The following GET1 variants were observed in gnomAD, a reference collection of about 807,000 sequenced individuals.
The protein encoded by GET1 is guided entry of tail-anchored proteins factor 1, also known as congenital heart disease 5 protein.
In GET1, 20 loss-of-function variants were observed where a neutral mutation model predicts 22.6. That is an observed-to-expected ratio of 0.89 (90% confidence interval 0.62 to 1.29). The LOEUF is 1.29. Among genes scored for constraint, GET1 ranks in the 50% most tolerant of loss-of-function variants. The pLI is 0.00. For missense variants in GET1, 209 were observed against 219.9 expected (o/e 0.95, Z 0.31); for synonymous variants, 92 against 83.8 (o/e 1.10, Z -0.53).
At chr21:39,410,671 G>A (rs753733946), downstream of GET1, among the ~76,000 whole-genome samples, 10 of 152,140 alleles carry the variant, frequency 6.6e-5, no homozygotes, top group Non-Finnish European at 1.5e-4. Context: ...ACGTGTAATT[G>A]TGAGAGGCCA....
chr21:39,387,931 G>T, intron 1 of GET1: 1 of 831,940 alleles, frequency 1.2e-6, no homozygotes, highest in Non-Finnish European at 1.4e-6. Context: ...ATAACATTTC[G>T]TCTTTATTAA....
intron 3 of GET1, 28 bp downstream of exon 3, chr21:39,391,864 C>G: frequency 6.2e-7 from 1 of 1,612,942 alleles, no homozygotes; most frequent in Non-Finnish European, 8.5e-7. Flanking sequence ...TCAGCCGGGT[C>G]ATTGGAGTTG....
chr21:39,404,967 C>T (rs936919358), intron 4 of GET1, among the ~76,000 whole-genome samples: 1 of 151,466 alleles, frequency 6.6e-6, no homozygotes, highest in Non-Finnish European at 1.5e-5. Flanking sequence ...GGGTAGCTGC[C>T]ATTACAGGCA....
At chr21:39,384,149 T>C (rs2037737724) in intron 1 of GET1, among the ~76,000 whole-genome samples, 1 of 152,100 alleles carries the variant, frequency 6.6e-6, no homozygotes, top group Non-Finnish European at 1.5e-5. Flanking sequence ...TTTCAGATGC[T>C]TATGGCCATC....
chr21:39,399,899 A>G (rs2038796385), downstream of GET1, among the ~76,000 whole-genome samples: 2 of 140,346 alleles, frequency 1.4e-5, no homozygotes, highest in African/African-American at 2.6e-5. Context: ...ACAAATCCAT[A>G]ATCTTTTTTT....
downstream of GET1, chr21:39,411,588 G>A (rs1162226651): frequency 2.0e-6 from 1 of 489,368 alleles, no homozygotes; most frequent in Non-Finnish European, 3.7e-6. Flanking sequence ...TATTCTTCTA[G>A]AATCACAAAA....
chr21:39,404,164 T>A (rs2038926589), intron 4 of GET1, among the ~76,000 whole-genome samples: 2 of 152,246 alleles, frequency 1.3e-5, no homozygotes, highest in Admixed American at 1.3e-4. Context: ...GTAAGCTAAA[T>A]AAAGTGAGGC....
intron 1 of GET1, among the ~76,000 whole-genome samples, chr21:39,389,276 T>C (rs1263794204): frequency 1.3e-5 from 2 of 152,106 alleles, no homozygotes; most frequent in Non-Finnish European, 2.9e-5. Flanking sequence ...CTGGCCTTTT[T>C]TCTTTTGTCC....
chr21:39,383,773 C>T lies in GET1; in HGVS notation c.102+3287C>T, dbSNP rs527544292. ...TTTATTTTTTTGAGAGGGAGTCTCT[C>T]TCTGTCACCCAGGCTGGAGTGCAGT... On this transcript the variant is annotated intron_variant, in intron 1 of 4. Coordinates refer to ENST00000649170, the MANE Select transcript of GET1 (RefSeq NM_004627.6). Among the ~76,000 whole-genome samples, 11 of 151,220 alleles carry T rather than the reference C, an allele frequency of 7.3e-5. No homozygotes were observed. The East Asian group carries it at 1.4e-3, about 19-fold the overall frequency.
intron 4 of GET1, among the ~76,000 whole-genome samples, chr21:39,404,063 C>G (rs1391941227): frequency 6.6e-6 from 1 of 152,212 alleles, no homozygotes; most frequent in Non-Finnish European, 1.5e-5. Context: ...GCTGCCATTA[C>G]AGTTAATATT....
intron 1 of GET1, chr21:39,428,078 T>C: frequency 4.2e-6 from 3 of 721,426 alleles, no homozygotes; most frequent in Non-Finnish European, 7.2e-6. Flanking sequence ...GGGAAAACAA[T>C]AAAACTGAGT....
rs551932967 is a variant in GET1 at position 39,403,850 on chromosome 21, G to A, written c.350-2064G>A. Among the ~76,000 whole-genome samples the A allele has an allele frequency of 1.1e-4, 17 of 151,904 alleles. No individual in the cohort carries two copies. The South Asian group carries it at 2.3e-3, about 20-fold the overall frequency. ...TTGGTCAGGCTGGTCTCGAACTCCC[G>A]ACCTCAGGTGATCGCCCGCCTCAGC... On this transcript the variant is annotated intron_variant, in intron 4 of 4. Transcript: ENST00000415847.
chr21:39,391,968 A>G (rs2038328905), intron 3 of GET1, 132 bp downstream of exon 3: 5 of 810,620 alleles, frequency 6.2e-6, no homozygotes, highest in African/African-American at 1.7e-5. Flanking sequence ...CCCTGCCCAC[A>G]TGGAGCTCTA....
intron 1 of GET1, chr21:39,422,135 G>A (rs780385079): frequency 1.4e-4 from 21 of 152,256 alleles, no homozygotes; most frequent in Non-Finnish European, 2.2e-4. Context: ...TTTAACAACA[G>A]AAGAAATAAC....
exon 2 of GET1, chr21:39,428,433 C>G: frequency 2.5e-6 from 4 of 1,612,510 alleles, no homozygotes; most frequent in South Asian, 2.2e-5. Context: ...CTATTGTTTT[C>G]TAATGCCACG....
chr21:39,399,033 C>T (rs191490640), downstream of GET1, among the ~76,000 whole-genome samples: 3 of 152,392 alleles, frequency 2.0e-5, no homozygotes, highest in Admixed American at 1.3e-4. Flanking sequence ...AGCCACCGCG[C>T]CCGGCCTGCC....
intron 1 of GET1, chr21:39,420,559 A>G (rs1601813698): frequency 2.5e-6 from 1 of 406,960 alleles, no homozygotes; most frequent in Admixed American, 3.9e-5. Context: ...AGAACTGTGG[A>G]TGGGGGCCCA....
At chr21:39,417,121 C>T (rs1204073394) in intron 1 of GET1, among the ~76,000 whole-genome samples, 1 of 152,234 alleles carries the variant, frequency 6.6e-6, no homozygotes, top group East Asian at 1.9e-4. Flanking sequence ...TAATCTCCGC[C>T]TCCTGGGTTC....
chr21:39,419,425 C>G (rs975307551), intron 1 of GET1, among the ~76,000 whole-genome samples: 1 of 148,724 alleles, frequency 6.7e-6, no homozygotes, highest in Non-Finnish European at 1.5e-5. Context: ...CTTGGGAGGC[C>G]GAGGTGGGAA....
Sources: gnomAD v4.1 joint callset for allele counts (sites outside exome capture counted in the v4.1 genomes callset) on GRCh38, gnomAD v4.1.1 for gene constraint, MANE v1.5 for transcripts, NCBI Gene and HGNC (gene_info 2026-07-23, HGNC 2026-07-21) for gene names.